Variants in NR1D2 observed in about 807,000 individuals in gnomAD.
The protein encoded by NR1D2 is V-erbA-related protein 1-related.
Under a neutral mutation model 52.2 loss-of-function variants are expected in NR1D2, and 25 were observed. The observed-to-expected ratio is 0.48, with a 90% CI of 0.35 to 0.67. The LOEUF is 0.67. NR1D2 is among the 30% of genes least tolerant of loss of function. The pLI is 0.01. For synonymous variants in NR1D2, 259 were observed against 230.1 expected (o/e 1.13, Z -1.14); for missense variants, 681 against 707.2 (o/e 0.96, Z 0.42).
At chr3:23,951,706 G>A (rs1382071051) in intron 1 of NR1D2, among the ~76,000 whole-genome samples, 2 of 152,202 alleles carry the variant, frequency 1.3e-5, no homozygotes, top group Non-Finnish European at 2.9e-5. Context: ...TGAATTCACT[G>A]ATTGTAGCCA....
At chr3:23,946,247 T>C in intron 1 of NR1D2, 3 of 985,386 alleles carry the variant, frequency 3.0e-6, no homozygotes, top group Non-Finnish European at 3.6e-6. Flanking sequence ...CACGCTCTTT[T>C]CGCGAGGTGA....
intron 1 of NR1D2, among the ~76,000 whole-genome samples, chr3:23,948,951 C>A (rs923109380): frequency 3.3e-5 from 5 of 152,308 alleles, no homozygotes; most frequent in African/African-American, 1.2e-4. Flanking sequence ...TCTGCAGGGC[C>A]TCCCAGTTTC....
At chr3:23,971,853 A>T (rs1399629877) in intron 7 of NR1D2, among the ~76,000 whole-genome samples, 1 of 152,140 alleles carries the variant, frequency 6.6e-6, no homozygotes, top group Non-Finnish European at 1.5e-5. Context: ...GTTTGTCATG[A>T]TTTGATCAGT....
intron 1 of NR1D2, among the ~76,000 whole-genome samples, chr3:23,953,342 C>CAAA (rs55698030): frequency 1.9e-4 from 10 of 52,454 alleles, no homozygotes; most frequent in East Asian, 7.1e-4. Flanking sequence ...GACTCTGTCT[C>CAAA]AAAAAAAAAA....
rs1398839451 is a variant in NR1D2, at chr3:23,977,127, A to G, written c.1544-96A>G. 14 of 669,680 alleles carry G rather than the reference A, an allele frequency of 2.1e-5. No homozygotes were observed. In the South Asian group the frequency reaches 5.9e-4, roughly 28 times the overall value. 41.5% of individuals were successfully genotyped at this position (669,680 alleles called of 1,614,324 possible). ...TCAGATGTATAAAACCTTGCTTTCT[A>G]TTCGTTAGTGACACTGATAAGCAAG... is the stretch of plus-strand genomic sequence containing the variant. On this transcript the variant is annotated intron_variant, in intron 7 of 7. Transcript: ENST00000312521.
chr3:23,954,933 C>G (rs1706043025), intron 2 of NR1D2, 130 bp downstream of exon 2: 2 of 777,580 alleles, frequency 2.6e-6, no homozygotes, highest in African/African-American at 3.5e-5. Flanking sequence ...AATCATACAT[C>G]AGTAGTTAGG....
chr3:23,953,831 G>T (rs1489544545), intron 1 of NR1D2, among the ~76,000 whole-genome samples: 1 of 152,200 alleles, frequency 6.6e-6, no homozygotes, highest in African/African-American at 2.4e-5. Flanking sequence ...AACTATAACA[G>T]GAGGCAAAGA....
chr3:23,970,394 A>C (rs573657468), intron 7 of NR1D2, among the ~76,000 whole-genome samples: 8 of 152,150 alleles, frequency 5.3e-5, no homozygotes, highest in Non-Finnish European at 1.2e-4. Flanking sequence ...GTTTGATTTA[A>C]TCTGTTTTTG....
chr3:23,946,169 C>G, intron 1 of NR1D2: 1 of 985,226 alleles, frequency 1.0e-6, no homozygotes, highest in Non-Finnish European at 1.2e-6. Context: ...CGCGCGTGCG[C>G]GCCCGCTGAG....
chr3:23,974,486 A>T (rs1024777621), intron 7 of NR1D2, among the ~76,000 whole-genome samples: 1 of 152,190 alleles, frequency 6.6e-6, no homozygotes, highest in African/African-American at 2.4e-5. Flanking sequence ...TACGTGGCAC[A>T]TGACTATTTT....
At chr3:23,957,000 T>C (rs1205163617) in intron 3 of NR1D2, among the ~76,000 whole-genome samples, 2 of 151,984 alleles carry the variant, frequency 1.3e-5, no homozygotes, top group Non-Finnish European at 2.9e-5. Flanking sequence ...TTTTTTTTTT[T>C]AGATGGAGTT....
At chr3:23,967,748 T>C (rs1706488131) in intron 6 of NR1D2, 65 bp from the exon 7 acceptor site, 2 of 1,254,172 alleles carry the variant, frequency 1.6e-6, no homozygotes, top group Admixed American at 2.2e-5. Flanking sequence ...CTTGATTGAA[T>C]ACTAAGTTAT....
At chr3:23,964,287 C>T (rs1476690269) in intron 5 of NR1D2, among the ~76,000 whole-genome samples, 2 of 152,010 alleles carry the variant, frequency 1.3e-5, no homozygotes, top group Non-Finnish European at 2.9e-5. Flanking sequence ...CCATGTTGGC[C>T]AGGCTAGTCT....
intron 7 of NR1D2, among the ~76,000 whole-genome samples, chr3:23,970,579 AC>A (rs1052727001): frequency 7.2e-5 from 11 of 152,068 alleles, no homozygotes; most frequent in African/African-American, 2.7e-4. Flanking sequence ...CTATCCATTT[AC>A]CTGTTTGTTT....
Position 23,961,973 on chromosome 3 carries a change from A to G in NR1D2, c.518-4A>G, listed in dbSNP as rs752595521. The G allele has an allele frequency of 5.1e-6, 8 of 1,581,280 alleles. No individual in the cohort carries two copies. Among genetic ancestry groups the G allele is most frequent in the South Asian group, 1.2e-5 (1 of 86,882 alleles). ...TAGACGTTAAATATCTTTTTCTTCA[A>G]TAGCTGTTCGGTTTGGTCGTATTCC... On this transcript the variant is annotated splice_region_variant and splice_polypyrimidine_tract_variant and intron_variant, in intron 4 of 7. Coordinates refer to ENST00000312521, the MANE Select transcript of NR1D2 (RefSeq NM_005126.5).
At chr3:23,965,405 AT>A (rs1176287633) in intron 6 of NR1D2, among the ~76,000 whole-genome samples, 2 of 145,836 alleles carry the variant, frequency 1.4e-5, no homozygotes, top group East Asian at 3.9e-4. Flanking sequence ...CGCCCGGCTA[AT>A]TTTTTTTGTT....
intron 5 of NR1D2, among the ~76,000 whole-genome samples, chr3:23,963,670 A>C (rs1706358465): frequency 6.6e-6 from 1 of 151,992 alleles, no homozygotes. Context: ...GCTGGTCTTG[A>C]ATTCCTGGCC....
rs955889782 is a variant in NR1D2 at position 23,977,544 on chromosome 3, A to G, written c.*125A>G. The G allele has an allele frequency of 3.5e-6, 2 of 570,672 alleles. No homozygotes were observed. The highest frequency in any genetic ancestry group is 8.3e-5 in the South Asian group (2 of 24,164). The allele number at this position is 570,672 out of a possible 1,614,324, so 35.4% of individuals were successfully genotyped here. On this transcript the variant is annotated 3_prime_UTR_variant, in exon 8 of 8. Transcript: ENST00000312521. ...TTAAGACAATAAAAGATTGTAGGCT[A>G]TCTCTGTAATCATGCAATAGCTGTT...
intron 1 of NR1D2, among the ~76,000 whole-genome samples, chr3:23,951,004 C>A (rs184319075): frequency 6.7e-6 from 1 of 149,048 alleles, no homozygotes; most frequent in East Asian, 2.0e-4. Flanking sequence ...CTCCCGGGTT[C>A]AAGTGATTCT....
Sources: allele counts gnomAD v4.1 joint callset (sites outside exome capture counted in the v4.1 genomes callset), GRCh38; gene constraint gnomAD v4.1.1; transcripts MANE v1.5; gene names NCBI Gene and HGNC (gene_info 2026-07-23, HGNC 2026-07-21).